TRMT11: variants seen among roughly 807,000 people sequenced by gnomAD.
The protein encoded by TRMT11 is tRNA (guanine(10)-N(2))-methyltransferase TRMT11.
Under a neutral mutation model 62.8 loss-of-function variants are expected in TRMT11, and 53 were observed. The ratio of observed to expected loss-of-function variants is 0.84; its 90% CI spans 0.68 to 1.06. The LOEUF (loss-of-function observed/expected upper bound fraction) is 1.06, where lower values mean the gene tolerates loss of function less well. Among genes scored for constraint, TRMT11 ranks in the 50% least tolerant of loss-of-function variants. The probability of loss-of-function intolerance (pLI) is 0.00; values close to 1 mark genes in which losing one functional copy is unlikely to be tolerated. For synonymous variants in TRMT11, 188 were observed against 190.3 expected (o/e 0.99, Z 0.10); for missense variants, 556 against 553.4 (o/e 1.00, Z -0.05).
intron 10 of TRMT11, 53 bp from the exon 11 acceptor site, chr6:126,012,917 T>A: frequency 6.2e-7 from 1 of 1,609,412 alleles, no homozygotes; most frequent in East Asian, 2.2e-5. Flanking sequence ...CCCCGTTAAC[T>A]TAGCACTCTT....
At chr6:126,150,283 A>G (rs1010068152) in intron 21 of TRMT11, among the ~76,000 whole-genome samples, 2 of 152,148 alleles carry the variant, frequency 1.3e-5, no homozygotes, top group Non-Finnish European at 2.9e-5. Context: ...AGCAAGAAAG[A>G]TTTTACCAGA....
At chr6:126,100,516 AATTTGCTACAAGGAATGTGCTGTATGG>A (rs1184968584) in intron 17 of TRMT11, among the ~76,000 whole-genome samples, 1 of 152,302 alleles carries the variant, frequency 6.6e-6, no homozygotes, top group South Asian at 2.1e-4. Flanking sequence ...TGAGCAAGAA[AATTTGCTACAAGGAATGTGCTGTATGG>A]ATTTGCTACA....
chr6:126,084,407 T>C (rs572847567), intron 17 of TRMT11, among the ~76,000 whole-genome samples: 28 of 152,302 alleles, frequency 1.8e-4, no homozygotes, highest in African/African-American at 6.0e-4. Flanking sequence ...AAAATGTCTT[T>C]TGCCCATTTT....
intron 17 of TRMT11, among the ~76,000 whole-genome samples, chr6:126,072,992 A>G (rs921601026): frequency 1.3e-5 from 2 of 152,184 alleles, no homozygotes; most frequent in Admixed American, 1.3e-4. Context: ...AGAGTTGGAA[A>G]ACAAATATTT....
rs370592099 is a variant in TRMT11 at position 126,117,601 on chromosome 6, G to C, written c.*1823+1746G>C. ...GTTTTTTTGCATTTTTTGTGATCTA[G>C]AGCTTCAGTTGAACCTTTCATTCTG... On this transcript the variant is annotated intron_variant and NMD_transcript_variant, in intron 21 of 22. Transcript: ENST00000648977. Among the ~76,000 whole-genome samples, 48 of 152,006 alleles carry C rather than the reference G, an allele frequency of 3.2e-4. 1 individual carries two copies. The South Asian group carries it at 9.8e-3, about 31-fold the overall frequency.
chr6:126,013,314 T>C (rs1794522398), intron 11 of TRMT11, among the ~76,000 whole-genome samples: 1 of 152,060 alleles, frequency 6.6e-6, no homozygotes, highest in African/African-American at 2.4e-5. Flanking sequence ...TGGAGTGCAG[T>C]AGTGCAATCG....
chr6:126,142,173 GAGA>G, intron 21 of TRMT11, among the ~76,000 whole-genome samples: 1 of 152,120 alleles, frequency 6.6e-6, no homozygotes, highest in South Asian at 2.1e-4. Context: ...TTCATCCCTG[GAGA>G]AGAAGATGTG....
At chr6:126,177,650 C>T (rs1345803192) in intron 1 of TRMT11, among the ~76,000 whole-genome samples, 1 of 152,130 alleles carries the variant, frequency 6.6e-6, no homozygotes, top group Non-Finnish European at 1.5e-5. Flanking sequence ...GGTAAATTAC[C>T]ATTTTTGGTT....
the TRMT11 span, among the ~76,000 whole-genome samples, chr6:126,269,242 C>T: frequency 1.5e-3 from 182 of 121,322 alleles, no homozygotes; most frequent in Non-Finnish European, 2.5e-3. Flanking sequence ...CCAGCCTGGG[C>T]GACAGAGCGA....
chr6:126,085,834 G>A (rs1777211530), intron 17 of TRMT11, among the ~76,000 whole-genome samples: 1 of 152,112 alleles, frequency 6.6e-6, no homozygotes, highest in Admixed American at 6.5e-5. Flanking sequence ...TGTACTTTGG[G>A]CGATGATGTG....
At chr6:126,270,236 T>C in the TRMT11 span, among the ~76,000 whole-genome samples, 2 of 152,154 alleles carry the variant, frequency 1.3e-5, no homozygotes, top group Admixed American at 1.3e-4. Flanking sequence ...AGTGTAGAAA[T>C]TCTGAAACCC....
intron 8 of TRMT11, chr6:126,008,700 A>G: frequency 1.5e-6 from 1 of 681,376 alleles, no homozygotes; most frequent in Non-Finnish European, 2.7e-6. Flanking sequence ...CTTTATGATG[A>G]TCCACTTCCA....
intron 1 of TRMT11, among the ~76,000 whole-genome samples, chr6:126,192,803 TG>T (rs1427411011): frequency 2.0e-5 from 3 of 152,226 alleles, no homozygotes; most frequent in Non-Finnish European, 4.4e-5. Context: ...CACTTGATCA[TG>T]GTAAATTATC....
intron 17 of TRMT11, among the ~76,000 whole-genome samples, chr6:126,077,187 A>T (rs1777047158): frequency 1.3e-5 from 2 of 152,200 alleles, no homozygotes; most frequent in Non-Finnish European, 2.9e-5. Flanking sequence ...ATCACATGAC[A>T]TTTGTTTACT....
chr6:126,200,326 T>A (rs182880765), intron 3 of TRMT11, among the ~76,000 whole-genome samples: 1 of 152,126 alleles, frequency 6.6e-6, no homozygotes, highest in Admixed American at 6.6e-5. Flanking sequence ...GAAAGATACA[T>A]TGGGTGCAAG....
At chr6:126,117,910 CG>C (rs1211450176) in intron 21 of TRMT11, among the ~76,000 whole-genome samples, 1 of 152,022 alleles carries the variant, frequency 6.6e-6, no homozygotes, top group Non-Finnish European at 1.5e-5. Flanking sequence ...TAATGCAAAA[CG>C]TAAGTTATAA....
the TRMT11 span, among the ~76,000 whole-genome samples, chr6:126,233,855 G>GA: frequency 6.6e-6 from 1 of 152,140 alleles, no homozygotes; most frequent in African/African-American, 2.4e-5. Flanking sequence ...ACCACAAAGG[G>GA]AAAATCCTAG....
chr6:126,200,232 A>G (rs1410723656), intron 3 of TRMT11, among the ~76,000 whole-genome samples: 1 of 152,208 alleles, frequency 6.6e-6, no homozygotes, highest in Non-Finnish European at 1.5e-5. Flanking sequence ...CATCCTGACA[A>G]AGATCCTCGA....
chr6:126,227,709 G>C, the TRMT11 span, among the ~76,000 whole-genome samples: 2 of 151,900 alleles, frequency 1.3e-5, no homozygotes, highest in Non-Finnish European at 2.9e-5. Context: ...TTTTAGTTTC[G>C]CAGAGGTCTT....
Sources: gnomAD v4.1 joint callset for allele counts (sites outside exome capture counted in the v4.1 genomes callset) on GRCh38, gnomAD v4.1.1 for gene constraint, MANE v1.5 for transcripts, NCBI Gene and HGNC (gene_info 2026-07-23, HGNC 2026-07-21) for gene names.